RPS29: variants seen among roughly 807,000 people sequenced by gnomAD.
RPS29 encodes small ribosomal subunit protein uS14.
For missense variants in RPS29, 60 were observed against 75.7 expected, an observed-to-expected ratio of 0.79 and a Z score of 0.77; for synonymous variants, 37 against 26.9, an observed-to-expected ratio of 1.37 and a Z score of -1.16.
At chr14:49,596,114 G>A (rs1340978914) in intron 1 of RPS29, among the ~76,000 whole-genome samples, 1 of 152,148 alleles carries the variant, frequency 6.6e-6, no homozygotes, top group Non-Finnish European at 1.5e-5. Flanking sequence ...TGCAATTGGA[G>A]CTTGCAAAAA....
intron 1 of RPS29, among the ~76,000 whole-genome samples, chr14:49,595,792 C>G (rs1286593168): frequency 6.6e-6 from 1 of 152,116 alleles, no homozygotes; most frequent in Non-Finnish European, 1.5e-5. Flanking sequence ...GCGGGTGGAT[C>G]ACCAGAGGTC....
chr14:49,572,411 A>G (rs1369706221), exon 3 of RPS29: 1 of 152,240 alleles, frequency 6.6e-6, no homozygotes, highest in African/African-American at 2.4e-5. Flanking sequence ...TGAGGTCAGA[A>G]TACTTTCAAA....
At chr14:49,577,605 CT>C in exon 3 of RPS29, 1 of 690,820 alleles carries the variant, frequency 1.4e-6, no homozygotes. Flanking sequence ...TGTGCTTTGT[CT>C]TTTTGTTTCT....
upstream of RPS29, among the ~76,000 whole-genome samples, chr14:49,590,268 G>A (rs976415142): frequency 2.0e-5 from 3 of 151,684 alleles, no homozygotes; most frequent in Admixed American, 6.6e-5. Context: ...ACAAGGTCAG[G>A]AGTTCTAGAC....
chr14:49,585,868 T>C, intron 2 of RPS29, 82 bp downstream of exon 2: 1 of 1,050,670 alleles, frequency 9.5e-7, no homozygotes, highest in Non-Finnish European at 1.5e-6. Flanking sequence ...AGGGAAGATC[T>C]GTCCGTTTGT....
chr14:49,574,240 AG>A (rs1172411159), exon 3 of RPS29: 1 of 152,192 alleles, frequency 6.6e-6, no homozygotes, highest in Non-Finnish European at 1.5e-5. Context: ...TACACGAGGG[AG>A]CTGTTTACAC....
At chr14:49,586,109 A>G (rs1179220296) in intron 1 of RPS29, 60 bp from the exon 2 acceptor site, 2 of 1,488,112 alleles carry the variant, frequency 1.3e-6, no homozygotes, top group Non-Finnish European at 1.9e-6. Flanking sequence ...CCGCACTCAG[A>G]CGGCTACTAC....
exon 3 of RPS29, chr14:49,577,807 G>T: frequency 6.2e-7 from 1 of 1,601,784 alleles, no homozygotes; most frequent in East Asian, 2.3e-5. Flanking sequence ...TGGAGGAGAT[G>T]GGTGTCACCT....
At chr14:49,573,100 GAAGGAAA>G (rs1881094864) in exon 3 of RPS29, 8 of 147,158 alleles carry the variant, frequency 5.4e-5, no homozygotes, top group South Asian at 2.1e-4. Flanking sequence ...AAGAAAGAAA[GAAGGAAA>G]GAAAGAAAGA....
Position 49,578,304 on chromosome 14 carries a change from A to C in RPS29, c.163-451T>G, listed in dbSNP as rs77231094. Reference sequence around the variant, plus strand: ...CTCACTAGCAATATTGGTACCAGGGACATTATACACTGCAGTATCTGGATA... The same window carrying C: ...CTCACTAGCAATATTGGTACCAGGGCCATTATACACTGCAGTATCTGGATA... On this transcript the variant is annotated intron_variant, in intron 2 of 2. Transcript: ENST00000396020. 8.3e-3 allele frequency among the ~76,000 whole-genome samples: 1,259 copies of C among 152,232 alleles called. 15 individuals carry two copies. The highest frequency in any genetic ancestry group is 0.029 in the African/African-American group (1,199 of 41,530).
At chr14:49,576,367 G>A (rs1228493763) in exon 3 of RPS29, 1 of 151,936 alleles carries the variant, frequency 6.6e-6, no homozygotes, top group Non-Finnish European at 1.5e-5. Context: ...CCTCCCAAAA[G>A]GCTAGGATTA....
chr14:49,590,608 C>T (rs537435283), upstream of RPS29, among the ~76,000 whole-genome samples: 1 of 152,230 alleles, frequency 6.6e-6, no homozygotes, highest in Non-Finnish European at 1.5e-5. Context: ...GTCTAAAATA[C>T]ATGTTTCGCA....
intron 2 of RPS29, among the ~76,000 whole-genome samples, chr14:49,584,920 CCAAAAGTTTCACAGT>C (rs78687795): frequency 0.057 from 4,375 of 77,234 alleles, 96 homozygotes; most frequent in Non-Finnish European, 0.096. Flanking sequence ...TTTTCAGAAG[CCAAAAGTTTCACAGT>C]CAAAAGTTTC....
intron 1 of RPS29, 104 bp from the exon 2 acceptor site, chr14:49,586,153 C>T: frequency 7.2e-7 from 1 of 1,381,582 alleles, no homozygotes; most frequent in Non-Finnish European, 1.0e-6. Context: ...ACAGTACAGG[C>T]CTGTAATGGC....
At chr14:49,582,302 A>C (rs1384148155), downstream of RPS29, among the ~76,000 whole-genome samples, 1 of 152,070 alleles carries the variant, frequency 6.6e-6, no homozygotes, top group Non-Finnish European at 1.5e-5. Flanking sequence ...ATCTCACAAT[A>C]TCTAACTATA....
chr14:49,572,190 T>TCCA (rs1392264149), exon 3 of RPS29: 1 of 152,276 alleles, frequency 6.6e-6, no homozygotes, highest in African/African-American at 2.4e-5. Flanking sequence ...CCTCAGGTGA[T>TCCA]CCACCTGCCT....
At chr14:49,586,518 G>T (rs1881565237), upstream of RPS29, 1 of 642,930 alleles carries the variant, frequency 1.6e-6, no homozygotes, top group African/African-American at 1.8e-5. Context: ...GTTGTGGGCT[G>T]GCCCAGTTGA....
At position 49,586,369 on chromosome 14, in the gene RPS29, G is replaced by A. The variant is rs754839141; in HGVS notation, c.-23C>T. On this transcript the variant is annotated 5_prime_UTR_variant, in exon 1 of 3. Transcript: ENST00000245458. ...CATCTTGCTCTCAGCAGTGCAACGA[G>A]GTAAAAGGAAGAAGCTGGCCCACGC... The A allele has an allele frequency of 5.4e-5, 87 of 1,611,358 alleles. No homozygotes were observed. The highest frequency in any genetic ancestry group is 7.0e-5 in the Non-Finnish European group (82 of 1,177,564).
At chr14:49,574,382 C>G (rs1881126366) in exon 3 of RPS29, 1 of 152,108 alleles carries the variant, frequency 6.6e-6, no homozygotes, top group Admixed American at 6.6e-5. Context: ...ATAAGCACAC[C>G]TATGGTGATC....
Sources: gnomAD v4.1 joint callset for allele counts (sites outside exome capture counted in the v4.1 genomes callset) on GRCh38, gnomAD v4.1.1 for gene constraint, MANE v1.5 for transcripts, NCBI Gene and HGNC (gene_info 2026-07-23, HGNC 2026-07-21) for gene names.